Variants in PCED1B observed in about 807,000 individuals in gnomAD.
PCED1B encodes the protein PC-esterase domain-containing protein 1B.
For synonymous variants in PCED1B, 251 were observed against 246.1 expected, an observed-to-expected ratio of 1.02 and a Z score of -0.19; for missense variants, 573 against 573.9, an observed-to-expected ratio of 1.00 and a Z score of 0.02.
chr12:47,211,114 C>T (rs1178851727), intron 2 of PCED1B, among the ~76,000 whole-genome samples: 2 of 152,060 alleles, frequency 1.3e-5, no homozygotes, highest in South Asian at 2.1e-4. Flanking sequence ...AGAAGTGATA[C>T]TCTAACATAA....
chr12:47,173,406 AC>A (rs1275108837), intron 2 of PCED1B, among the ~76,000 whole-genome samples: 1 of 152,052 alleles, frequency 6.6e-6, no homozygotes, highest in African/African-American at 2.4e-5. Context: ...AGCGCCCGCC[AC>A]CACGCCCAGC....
intron 2 of PCED1B, among the ~76,000 whole-genome samples, chr12:47,195,019 G>T (rs1942557887): frequency 6.6e-6 from 1 of 152,142 alleles, no homozygotes; most frequent in African/African-American, 2.4e-5. Flanking sequence ...TAGTCTTTTG[G>T]AATTCATCTT....
intron 1 of PCED1B, among the ~76,000 whole-genome samples, chr12:47,095,071 ATT>A (rs34778482): frequency 1.3e-3 from 151 of 113,786 alleles, no homozygotes; most frequent in African/African-American, 2.8e-3. Flanking sequence ...TGTGCCCACA[ATT>A]TTTTTTTTTT....
At chr12:47,081,487 A>G (rs1565735648) in intron 1 of PCED1B, among the ~76,000 whole-genome samples, 1 of 152,320 alleles carries the variant, frequency 6.6e-6, no homozygotes, top group East Asian at 1.9e-4. Context: ...GATGAGGACA[A>G]CTTGATTCAG....
At chr12:47,086,751 C>T (rs1055139126) in intron 1 of PCED1B, among the ~76,000 whole-genome samples, 1 of 152,134 alleles carries the variant, frequency 6.6e-6, no homozygotes, top group East Asian at 1.9e-4. Flanking sequence ...AATTCTTAAA[C>T]GCTATTATAT....
chr12:47,115,471 A>C (rs1321111640), intron 2 of PCED1B, among the ~76,000 whole-genome samples: 1 of 152,038 alleles, frequency 6.6e-6, no homozygotes, highest in Non-Finnish European at 1.5e-5. Context: ...ATGAGGTACA[A>C]CCAGAAACTG....
At chr12:47,185,291 A>C (rs952615762) in intron 2 of PCED1B, among the ~76,000 whole-genome samples, 1 of 152,068 alleles carries the variant, frequency 6.6e-6, no homozygotes, top group Non-Finnish European at 1.5e-5. Context: ...TTACAAAAAG[A>C]AAAAACAGAG....
At chr12:47,149,757 G>C (rs935451803) in intron 2 of PCED1B, among the ~76,000 whole-genome samples, 1 of 152,194 alleles carries the variant, frequency 6.6e-6, no homozygotes, top group African/African-American at 2.4e-5. Flanking sequence ...ACAGGCAGCT[G>C]TTAGAAGAGA....
chr12:47,188,200 T>C (rs1044399826), intron 2 of PCED1B, among the ~76,000 whole-genome samples: 2 of 152,148 alleles, frequency 1.3e-5, no homozygotes, highest in African/African-American at 4.8e-5. Context: ...GTCTTTGGGT[T>C]CCCAGCATCT....
intron 2 of PCED1B, among the ~76,000 whole-genome samples, chr12:47,140,400 C>G (rs1330124887): frequency 6.6e-6 from 1 of 152,138 alleles, no homozygotes; most frequent in Non-Finnish European, 1.5e-5. Context: ...GGATTCTTGA[C>G]CTATATTATC....
intron 2 of PCED1B, among the ~76,000 whole-genome samples, chr12:47,119,749 C>T (rs1244364643): frequency 4.6e-5 from 7 of 151,988 alleles, no homozygotes; most frequent in African/African-American, 1.2e-4. Context: ...GAGGTTGAGG[C>T]GTGTGGATCA....
At chr12:47,206,449 C>T (rs1388549278) in intron 2 of PCED1B, 1 of 152,096 alleles carries the variant, frequency 6.6e-6, no homozygotes, top group African/African-American at 2.4e-5. Flanking sequence ...TCTCTTTCAC[C>T]GTCTCAGTCA....
chr12:47,229,898 T>TCCG (rs2137887633), intron 3 of PCED1B, among the ~76,000 whole-genome samples: 1 of 150,822 alleles, frequency 6.6e-6, no homozygotes, highest in South Asian at 2.1e-4. Flanking sequence ...GCCTCCCGAG[T>TCCG]AGCTGGGACT....
chr12:47,200,833 G>T (rs1942742145), intron 2 of PCED1B, among the ~76,000 whole-genome samples: 1 of 152,180 alleles, frequency 6.6e-6, no homozygotes, highest in Non-Finnish European at 1.5e-5. Flanking sequence ...ATAATAATGA[G>T]ACTTAAACAA....
At chr12:47,144,306 T>C (rs1940706621) in intron 2 of PCED1B, among the ~76,000 whole-genome samples, 1 of 152,100 alleles carries the variant, frequency 6.6e-6, no homozygotes. Context: ...CCTTTGAAAC[T>C]ATCCTGCCCT....
chr12:47,156,300 C>T (rs960714680), intron 2 of PCED1B, among the ~76,000 whole-genome samples: 7 of 152,154 alleles, frequency 4.6e-5, no homozygotes, highest in Non-Finnish European at 8.8e-5. Flanking sequence ...TTGGCTGCTG[C>T]TGGGTTGCCA....
At chr12:47,222,130 A>C (rs1265961463) in intron 3 of PCED1B, among the ~76,000 whole-genome samples, 20 of 147,020 alleles carry the variant, frequency 1.4e-4, no homozygotes, top group African/African-American at 2.0e-4. Flanking sequence ...AAAAAAAAAA[A>C]AAAAAACGCC....
intron 2 of PCED1B, among the ~76,000 whole-genome samples, chr12:47,131,042 A>G (rs950429072): frequency 1.3e-5 from 2 of 152,220 alleles, no homozygotes; most frequent in African/African-American, 4.8e-5. Context: ...TCATCCGCCA[A>G]AAACAGTTTT....
chr12:47,184,943 G>A (rs1171663586), intron 2 of PCED1B, among the ~76,000 whole-genome samples: 1 of 152,190 alleles, frequency 6.6e-6, no homozygotes, highest in African/African-American at 2.4e-5. Flanking sequence ...TACCTAGCAA[G>A]AGGTCTAGAG....
Sources: gnomAD v4.1 joint callset for allele counts (sites outside exome capture counted in the v4.1 genomes callset) on GRCh38, gnomAD v4.1.1 for gene constraint, MANE v1.5 for transcripts, NCBI Gene and HGNC (gene_info 2026-07-23, HGNC 2026-07-21) for gene names.